The following AHDC1 variants were observed in gnomAD, a reference collection of about 807,000 sequenced individuals.
AHDC1 encodes transcription factor Gibbin.
A neutral mutation model predicts 87.9 loss-of-function variants in AHDC1; 7 were observed. The ratio of observed to expected loss-of-function variants is 0.08; its 90% confidence interval spans 0.05 to 0.15. The LOEUF is 0.15. AHDC1 is among the 10% of genes least tolerant of loss of function. The probability of loss-of-function intolerance (pLI) is 1.00; values close to 1 mark genes in which losing one functional copy is unlikely to be tolerated. For missense variants in AHDC1, 1,841 were observed against 2,253.2 expected (o/e 0.82, Z 3.70); for synonymous variants, 1,051 against 1,006.8 (o/e 1.04, Z -0.83).
At chr1:27,599,754 GC>G (rs58004981) in intron 3 of AHDC1, among the ~76,000 whole-genome samples, 1 of 151,948 alleles carries the variant, frequency 6.6e-6, no homozygotes, top group Non-Finnish European at 1.5e-5. Flanking sequence ...CACAGGCCAC[GC>G]CCCCCCGGGT....
At chr1:27,554,939 G>A (rs1241154880) in intron 5 of AHDC1, among the ~76,000 whole-genome samples, 39 of 152,310 alleles carry the variant, frequency 2.6e-4, no homozygotes, top group Admixed American at 6.5e-5. Context: ...ATGTTACAGG[G>A]GAAACTGGCT....
chr1:27,569,314 C>G (rs1348847538), intron 3 of AHDC1, among the ~76,000 whole-genome samples: 1 of 152,166 alleles, frequency 6.6e-6, no homozygotes, highest in Non-Finnish European at 1.5e-5. Context: ...TGCCAATCCT[C>G]ATCATCACCC....
Position 27,545,329 on chromosome 1 carries a change from A to G in AHDC1, c.*43+1932T>C, listed in dbSNP as rs960164025. ...GGTGCTGGACAGATGTCTCTAGAAC[A>G]ATGGAATGCATTGGTTTGAGGACAG... On this transcript the variant is annotated intron_variant, in intron 8 of 8. Transcript: ENST00000673934. Among the ~76,000 whole-genome samples the G allele has an allele frequency of 2.6e-5, 4 of 151,996 alleles. No homozygotes were observed. The South Asian group carries it at 6.2e-4, about 24-fold the overall frequency.
In AHDC1 at chr1:27,560,615, A is replaced by C. The variant is rs893908984; in HGVS notation, c.-628-1732T>G. ...CTGTGGGTCTCTTTCACCATGGGTC[A>C]GTATGTGCTCGTGTGTGTGTCCATG... On this transcript the variant is annotated intron_variant, in intron 3 of 8. Coordinates refer to ENST00000673934, the MANE Select transcript of AHDC1 (RefSeq NM_001371928.1). This position sits in a 1 kb window ranked among gnomAD's most constrained non-coding sequence, Gnocchi z 4.1. 5.3e-5 allele frequency among the ~76,000 whole-genome samples: 8 copies of C among 151,846 alleles called. No individual in the cohort carries two copies. Among genetic ancestry groups the C allele is most frequent in the African/African-American group, 9.7e-5 (4 of 41,310 alleles).
At chr1:27,537,914 G>A (rs2018718035) in intron 8 of AHDC1, among the ~76,000 whole-genome samples, 1 of 152,284 alleles carries the variant, frequency 6.6e-6, no homozygotes, top group South Asian at 2.1e-4. Flanking sequence ...TATAAATCAG[G>A]TTGTCCAGAG....
chr1:27,573,666 C>T lies in AHDC1; in HGVS notation c.-628-14783G>A, dbSNP rs538591804. ...CCAGCGCCCCAGAGAGCTGTCTCCCCAAACCAAAGGCAAGGGAAGGTTACA... is the reference window on the plus strand; with the variant it reads ...CCAGCGCCCCAGAGAGCTGTCTCCCTAAACCAAAGGCAAGGGAAGGTTACA... On this transcript the variant is annotated intron_variant, in intron 3 of 8. Coordinates refer to ENST00000673934, the MANE Select transcript of AHDC1 (RefSeq NM_001371928.1). 2.6e-5 allele frequency among the ~76,000 whole-genome samples: 4 copies of T among 152,280 alleles called. No homozygotes were observed. The East Asian group carries it at 7.7e-4, about 29-fold the overall frequency.
intron 3 of AHDC1, among the ~76,000 whole-genome samples, chr1:27,592,895 CCTGGCCCAAGCTCACACAGCAGACGAG>C (rs1453807686): frequency 4.6e-5 from 7 of 152,088 alleles, no homozygotes; most frequent in African/African-American, 7.2e-5. Flanking sequence ...GGCTTGGGCC[CCTGGCCCAAGCTCACACAGCAGACGAG>C]GAGGCGCAGG....
At position 27,593,387 on chromosome 1, in the gene AHDC1, G is replaced by A. The variant is rs1472499656; in HGVS notation, c.-629+10010C>T. ...AGTGAATGCCCCAGAGTCTACCGCAGTGTGCCCACTGCTGCCGCCACCACT... is the reference window on the plus strand; with the variant it reads ...AGTGAATGCCCCAGAGTCTACCGCAATGTGCCCACTGCTGCCGCCACCACT... On this transcript the variant is annotated intron_variant, in intron 3 of 8. Transcript: ENST00000673934. This position sits in a 1 kb window ranked among gnomAD's most constrained non-coding sequence, Gnocchi z 4.9. Among the ~76,000 whole-genome samples, 1 of 152,226 alleles carries A rather than the reference G, an allele frequency of 6.6e-6. No individual in the cohort carries two copies. Among genetic ancestry groups the A allele is most frequent in the Non-Finnish European group, 1.5e-5 (1 of 68,036 alleles).
intron 3 of AHDC1, among the ~76,000 whole-genome samples, chr1:27,591,977 C>T (rs2089234913): frequency 6.6e-6 from 1 of 152,190 alleles, no homozygotes; most frequent in African/African-American, 2.4e-5. Flanking sequence ...GGATCCCCGA[C>T]CTGGCTGGAG....
chr1:27,592,345 C>T (rs905056297), intron 3 of AHDC1, among the ~76,000 whole-genome samples: 5 of 151,882 alleles, frequency 3.3e-5, no homozygotes, highest in South Asian at 2.1e-4. Context: ...CCACCCAGCT[C>T]GTCACCCACC....
At chr1:27,572,594 G>A (rs1035858696) in intron 3 of AHDC1, among the ~76,000 whole-genome samples, 1 of 152,184 alleles carries the variant, frequency 6.6e-6, no homozygotes, top group Admixed American at 6.5e-5. Flanking sequence ...AACAGTACAT[G>A]ACAACTCCAA....
chr1:27,553,695 G>T (rs2019678550), intron 5 of AHDC1: 1 of 152,056 alleles, frequency 6.6e-6, no homozygotes, highest in Non-Finnish European at 1.5e-5. Context: ...TAAAAGCAAG[G>T]ATATCTGTCC....
In AHDC1 at chr1:27,542,039, G is replaced by A. The variant is rs183894621; in HGVS notation, c.*43+5222C>T. On this transcript the variant is annotated intron_variant, in intron 8 of 8. Coordinates refer to ENST00000673934, the MANE Select transcript of AHDC1 (RefSeq NM_001371928.1). ...CACTGGATACAATGCCTGGCCCCAA[G>A]CAGGTCACTAGCTCATGTGTGTGAA... is the stretch of plus-strand genomic sequence containing the variant. Among the ~76,000 whole-genome samples, 6 of 152,386 alleles carry A rather than the reference G, an allele frequency of 3.9e-5. No individual in the cohort carries two copies. The East Asian group carries it at 1.2e-3, about 29-fold the overall frequency.
At position 27,541,764 on chromosome 1, in the gene AHDC1, G is replaced by A. The variant is rs558376590; in HGVS notation, c.*43+5497C>T. ...CCTGCCTCAGCTTCCCGAGTAGCTG[G>A]CACTACAGGCACCTGCCATCATGCC... On this transcript the variant is annotated intron_variant, in intron 8 of 8. Transcript: ENST00000673934. 2.0e-5 allele frequency among the ~76,000 whole-genome samples: 3 copies of A among 151,972 alleles called. No homozygotes were observed. The East Asian group carries it at 5.8e-4, about 29-fold the overall frequency.
chr1:27,538,397 T>C (rs1385015065), intron 8 of AHDC1, among the ~76,000 whole-genome samples: 1 of 103,616 alleles, frequency 9.7e-6, no homozygotes, highest in East Asian at 2.2e-4. Context: ...AGCAAGACTG[T>C]CTCAAAAAAA....
At chr1:27,592,044 G>C (rs1483073251) in intron 3 of AHDC1, among the ~76,000 whole-genome samples, 5 of 152,112 alleles carry the variant, frequency 3.3e-5, no homozygotes, top group Non-Finnish European at 7.4e-5. Flanking sequence ...AGCCCAGAAG[G>C]GCCAGCCGAA....
chr1:27,548,380 G>A lies in AHDC1; in HGVS notation c.3736C>T (p.His1246Tyr), dbSNP rs199534614. 2 of 1,607,646 alleles carry A rather than the reference G, an allele frequency of 1.2e-6. No individual in the cohort carries two copies. Among genetic ancestry groups the A allele is most frequent in the Admixed American group, 1.7e-5 (1 of 59,918 alleles). Residue 1246 changes from histidine (H) to tyrosine (Y), a missense_variant, in exon 8 of 9, where the codon CAT becomes TAT. By Grantham distance (83) the His-to-Tyr change is moderately conservative. Transcript: ENST00000673934. ...RKKVDLFEASHLGFPTSASAA... is the reference protein window; with the variant it reads ...RKKVDLFEASYLGFPTSASAA... ...GAGGCGGATGTCGGGAAGCCCAGATGTGAGGCCTCGAACAGGTCCACCTTC... is the reference window on the plus strand; with the variant it reads ...GAGGCGGATGTCGGGAAGCCCAGATATGAGGCCTCGAACAGGTCCACCTTC...
chr1:27,580,843 G>GT (rs1192503409), intron 3 of AHDC1, among the ~76,000 whole-genome samples: 154 of 149,152 alleles, frequency 1.0e-3, no homozygotes, highest in African/African-American at 3.0e-3. Context: ...AAAAACTTGG[G>GT]TTTTTTTTTT....
At chr1:27,572,548 C>T (rs765236932) in intron 3 of AHDC1, among the ~76,000 whole-genome samples, 1 of 152,186 alleles carries the variant, frequency 6.6e-6, no homozygotes, top group Non-Finnish European at 1.5e-5. Context: ...ATGCACTGTT[C>T]AGAGGCCCTG....
Sources: allele counts gnomAD v4.1 joint callset (sites outside exome capture counted in the v4.1 genomes callset), GRCh38; gene constraint gnomAD v4.1.1; non-coding constraint Gnocchi (gnomAD v3.1); transcripts MANE v1.5; gene names NCBI Gene and HGNC (gene_info 2026-07-23, HGNC 2026-07-21).